The following KIAA1328 variants were observed in gnomAD, a reference collection of about 807,000 sequenced individuals.
KIAA1328 encodes KIAA1328, also known as protein hinderin.
In KIAA1328, 52 loss-of-function variants were observed where a neutral mutation model predicts 68.1. That is an observed-to-expected ratio of 0.76 (90% CI 0.61 to 0.96). KIAA1328 has a LOEUF of 0.96. KIAA1328 is among the 40% of genes least tolerant of loss of function. The pLI is 0.00. For synonymous variants in KIAA1328, 232 were observed against 239.4 expected, an observed-to-expected ratio of 0.97 and a Z score of 0.28; for missense variants, 641 against 677.6, an observed-to-expected ratio of 0.95 and a Z score of 0.60.
intron 7 of KIAA1328, among the ~76,000 whole-genome samples, chr18:37,123,568 A>G (rs1451817098): frequency 6.6e-6 from 1 of 152,180 alleles, no homozygotes; most frequent in African/African-American, 2.4e-5. Context: ...AGTTTCAAAG[A>G]ACAGTAAGAA....
chr18:36,838,610 T>C (rs1370927283), intron 3 of KIAA1328, among the ~76,000 whole-genome samples: 2 of 152,234 alleles, frequency 1.3e-5, no homozygotes, highest in African/African-American at 2.4e-5. Context: ...GCTTGTATTG[T>C]TTTTAAGAAG....
intron 9 of KIAA1328, among the ~76,000 whole-genome samples, chr18:37,221,592 C>A (rs1294304350): frequency 6.6e-6 from 1 of 152,132 alleles, no homozygotes; most frequent in Admixed American, 6.5e-5. Flanking sequence ...CTTTAATTTC[C>A]GCATGTTTAT....
chr18:37,221,324 A>G (rs1353818458), intron 9 of KIAA1328, among the ~76,000 whole-genome samples: 3 of 152,196 alleles, frequency 2.0e-5, no homozygotes, highest in Non-Finnish European at 4.4e-5. Context: ...ATTTATATCA[A>G]TGAATTCATT....
At chr18:37,115,343 T>G (rs2058073420) in intron 7 of KIAA1328, among the ~76,000 whole-genome samples, 1 of 152,232 alleles carries the variant, frequency 6.6e-6, no homozygotes, top group South Asian at 2.1e-4. Flanking sequence ...ATCCCTGGGA[T>G]GCAAGGCTGG....
At chr18:36,835,006 T>TA (rs2046624438) in intron 2 of KIAA1328, among the ~76,000 whole-genome samples, 1 of 152,236 alleles carries the variant, frequency 6.6e-6, no homozygotes, top group African/African-American at 2.4e-5. Flanking sequence ...CCTGTCTCTT[T>TA]AAAAAAATAA....
intron 6 of KIAA1328, among the ~76,000 whole-genome samples, chr18:36,986,006 C>G (rs566902463): frequency 6.6e-6 from 1 of 152,228 alleles, no homozygotes; most frequent in East Asian, 1.9e-4. Flanking sequence ...TTATGCACTG[C>G]TGAGAGGAAG....
intron 9 of KIAA1328, among the ~76,000 whole-genome samples, chr18:37,215,942 G>T (rs957478475): frequency 2.0e-5 from 3 of 152,176 alleles, no homozygotes; most frequent in Admixed American, 1.3e-4. Flanking sequence ...GCTTAGAAGT[G>T]TTTATAGTAT....
chr18:36,997,689 C>T (rs2053443124), intron 6 of KIAA1328, among the ~76,000 whole-genome samples: 2 of 152,190 alleles, frequency 1.3e-5, no homozygotes, highest in African/African-American at 4.8e-5. Flanking sequence ...TAGGGAAACT[C>T]AGGCTGTTGC....
chr18:37,185,422 A>G (rs2154216306), intron 9 of KIAA1328, among the ~76,000 whole-genome samples: 1 of 152,298 alleles, frequency 6.6e-6, no homozygotes, highest in East Asian at 1.9e-4. Context: ...GACATAGAAA[A>G]AAAGATAATA....
At chr18:37,002,752 GT>G (rs2053637683) in intron 6 of KIAA1328, among the ~76,000 whole-genome samples, 1 of 151,890 alleles carries the variant, frequency 6.6e-6, no homozygotes, top group Non-Finnish European at 1.5e-5. Context: ...ATGTCATTAA[GT>G]TGACCATATT....
chr18:36,993,071 A>T (rs1655046604), intron 6 of KIAA1328, among the ~76,000 whole-genome samples: 1 of 152,172 alleles, frequency 6.6e-6, no homozygotes, highest in Admixed American at 6.5e-5. Flanking sequence ...GTAACACTGC[A>T]CTTCAACCTG....
intron 7 of KIAA1328, among the ~76,000 whole-genome samples, chr18:37,074,337 C>A (rs936969982): frequency 6.6e-6 from 1 of 152,082 alleles, no homozygotes; most frequent in Non-Finnish European, 1.5e-5. Context: ...TTACAGTATT[C>A]TTATGTTTGT....
At chr18:36,952,787 G>C (rs954767993) in intron 5 of KIAA1328, among the ~76,000 whole-genome samples, 2 of 152,098 alleles carry the variant, frequency 1.3e-5, no homozygotes, top group African/African-American at 4.8e-5. Context: ...TCCAAGGACA[G>C]TTCTGGTTAG....
intron 4 of KIAA1328, among the ~76,000 whole-genome samples, chr18:36,855,522 TG>T (rs1197037088): frequency 6.6e-6 from 1 of 152,110 alleles, no homozygotes; most frequent in African/African-American, 2.4e-5. Context: ...TGAGTTATAA[TG>T]TTTCTTTATA....
At chr18:37,063,197 CATGTCCCAT>C (rs112525416) in intron 6 of KIAA1328, among the ~76,000 whole-genome samples, 185 of 152,304 alleles carry the variant, frequency 1.2e-3, no homozygotes, top group African/African-American at 4.3e-3. Context: ...CTATGTGATA[CATGTCCCAT>C]TTACTTACTA....
At chr18:36,917,508 C>G (rs927801963) in intron 5 of KIAA1328, among the ~76,000 whole-genome samples, 2 of 152,144 alleles carry the variant, frequency 1.3e-5, no homozygotes, top group Non-Finnish European at 2.9e-5. Context: ...AGGCTCAAAC[C>G]ACAGTGTCAG....
intron 7 of KIAA1328, among the ~76,000 whole-genome samples, chr18:37,136,041 T>C (rs980930109): frequency 6.6e-6 from 1 of 152,206 alleles, no homozygotes; most frequent in Admixed American, 6.5e-5. Flanking sequence ...CCATGCTGTT[T>C]TGGTTACTGT....
At chr18:36,833,758 T>C (rs1255743430) in intron 1 of KIAA1328, among the ~76,000 whole-genome samples, 4 of 152,220 alleles carry the variant, frequency 2.6e-5, no homozygotes, top group Non-Finnish European at 4.4e-5. Flanking sequence ...ATAGTTCTTT[T>C]TGTCTTAAAT....
intron 2 of KIAA1328, among the ~76,000 whole-genome samples, chr18:36,834,782 TATC>T (rs888820772): frequency 1.5e-4 from 23 of 152,172 alleles, no homozygotes; most frequent in African/African-American, 4.8e-4. Flanking sequence ...GGGTGAAAAA[TATC>T]ATTGATTTCC....
Sources: allele counts gnomAD v4.1 joint callset (sites outside exome capture counted in the v4.1 genomes callset), GRCh38; gene constraint gnomAD v4.1.1; transcripts MANE v1.5; gene names NCBI Gene and HGNC (gene_info 2026-07-23, HGNC 2026-07-21).